The following DYM variants were observed in gnomAD, a reference collection of about 807,000 sequenced individuals.
DYM encodes dyggve-Melchior-Clausen syndrome protein.
A neutral mutation model predicts 93.1 loss-of-function variants in DYM; 78 were observed. The observed-to-expected ratio is 0.84, with a 90% CI of 0.70 to 1.01. DYM has a LOEUF of 1.01. DYM is among the 50% of genes least tolerant of loss of function. The pLI, the probability that DYM is intolerant of heterozygous loss-of-function variation, is 0.00. For missense variants in DYM, 789 were observed against 845.0 expected (o/e 0.93, Z 0.82); for synonymous variants, 321 against 319.7 (o/e 1.00, Z -0.04).
intron 6 of DYM, among the ~76,000 whole-genome samples, chr18:49,361,846 C>T (rs772404314): frequency 6.6e-6 from 1 of 152,166 alleles, no homozygotes; most frequent in Non-Finnish European, 1.5e-5. Flanking sequence ...CTGCATCAGC[C>T]TCCTGAGTAG....
chr18:49,114,797 T>A (rs904728570), intron 16 of DYM, among the ~76,000 whole-genome samples: 12 of 152,128 alleles, frequency 7.9e-5, no homozygotes, highest in African/African-American at 2.9e-4. Flanking sequence ...GAGACATTTT[T>A]AAGGATATCA....
At chr18:49,151,851 A>T (rs2085850517) in intron 15 of DYM, among the ~76,000 whole-genome samples, 1 of 152,204 alleles carries the variant, frequency 6.6e-6, no homozygotes, top group Non-Finnish European at 1.5e-5. Flanking sequence ...AAAACAATCA[A>T]GATCTGAGCA....
intron 1 of DYM, among the ~76,000 whole-genome samples, chr18:49,454,892 A>G (rs2082844688): frequency 7.6e-6 from 1 of 131,260 alleles, no homozygotes. Flanking sequence ...TGGGTGATAG[A>G]GCGAGACTCT....
chr18:49,111,747 C>T (rs2081414402), intron 16 of DYM, among the ~76,000 whole-genome samples: 1 of 152,148 alleles, frequency 6.6e-6, no homozygotes, highest in Non-Finnish European at 1.5e-5. Flanking sequence ...CTTGATCTTT[C>T]CCAGCAGCAG....
chr18:49,454,050 T>C (rs1397315946), intron 1 of DYM, among the ~76,000 whole-genome samples: 1 of 152,214 alleles, frequency 6.6e-6, no homozygotes, highest in Non-Finnish European at 1.5e-5. Flanking sequence ...CAAATGATGC[T>C]GCAGACAGAA....
intron 7 of DYM, among the ~76,000 whole-genome samples, chr18:49,332,992 A>G (rs1024859156): frequency 1.3e-5 from 2 of 152,164 alleles, no homozygotes; most frequent in African/African-American, 4.8e-5. Flanking sequence ...TCCCTCAGTG[A>G]TTTTCAAATA....
rs544296795 is a variant in DYM at position 49,420,879 on chromosome 18, C to T, written c.140+9376G>A. Among the ~76,000 whole-genome samples, 15 of 152,260 alleles carry T rather than the reference C, an allele frequency of 9.9e-5. No homozygotes were observed. The East Asian group carries it at 2.3e-3, about 24-fold the overall frequency. On this transcript the variant is annotated intron_variant, in intron 2 of 17. Coordinates refer to ENST00000675505, the MANE Select transcript of DYM (RefSeq NM_001353214.3). ...AGGAGATTATATCCCACGCCTGGCTCGGAGGGTCCCACACCCACGGAGCCT... is the reference window on the plus strand; with the variant it reads ...AGGAGATTATATCCCACGCCTGGCTTGGAGGGTCCCACACCCACGGAGCCT...
At chr18:49,436,512 T>C (rs1444965560) in intron 1 of DYM, among the ~76,000 whole-genome samples, 1 of 152,212 alleles carries the variant, frequency 6.6e-6, no homozygotes, top group African/African-American at 2.4e-5. Context: ...CAAATTATTT[T>C]TATTTGTCCA....
intron 5 of DYM, among the ~76,000 whole-genome samples, chr18:49,373,550 T>C (rs112141204): frequency 0.095 from 14,371 of 152,072 alleles, 876 homozygotes; most frequent in East Asian, 0.31. Context: ...TCACTGCAAC[T>C]TGTTTTATCA....
At chr18:49,372,659 T>G (rs2031833462) in intron 5 of DYM, among the ~76,000 whole-genome samples, 1 of 152,108 alleles carries the variant, frequency 6.6e-6, no homozygotes, top group Non-Finnish European at 1.5e-5. Flanking sequence ...ACAGGAGAAT[T>G]GCTTGAACCT....
chr18:49,190,784 C>T (rs73958757), intron 14 of DYM, among the ~76,000 whole-genome samples: 1,693 of 152,266 alleles, frequency 0.011, 24 homozygotes, highest in African/African-American at 0.038. Flanking sequence ...CCACCTCCCC[C>T]TACTCGTCCT....
chr18:49,352,518 G>C (rs545763175), intron 6 of DYM, among the ~76,000 whole-genome samples: 185 of 152,282 alleles, frequency 1.2e-3, no homozygotes, highest in African/African-American at 4.1e-3. Context: ...GGTTGCCAGG[G>C]ACGAGGAGTT....
intron 8 of DYM, among the ~76,000 whole-genome samples, chr18:49,324,878 G>C (rs1447593998): frequency 6.6e-6 from 1 of 152,046 alleles, no homozygotes; most frequent in Non-Finnish European, 1.5e-5. Flanking sequence ...CAATAACTCT[G>C]TTCAAATGGT....
intron 1 of DYM, among the ~76,000 whole-genome samples, chr18:49,458,848 C>T (rs140740657): frequency 1.3e-5 from 2 of 151,886 alleles, no homozygotes; most frequent in East Asian, 3.9e-4. Flanking sequence ...CCCACCACCA[C>T]CAACAAAAAA....
At chr18:49,443,462 G>T (rs1324145059) in intron 1 of DYM, among the ~76,000 whole-genome samples, 1 of 152,092 alleles carries the variant, frequency 6.6e-6, no homozygotes, top group Non-Finnish European at 1.5e-5. Context: ...TGACTATCAC[G>T]TCAAAAAAAC....
At chr18:49,237,513 G>C (rs1402404523) in intron 13 of DYM, among the ~76,000 whole-genome samples, 1 of 151,980 alleles carries the variant, frequency 6.6e-6, no homozygotes, top group Non-Finnish European at 1.5e-5. Context: ...TTAACAGTTG[G>C]CTTCAAGTTT....
intron 13 of DYM, among the ~76,000 whole-genome samples, chr18:49,228,080 A>C (rs2093590217): frequency 6.6e-6 from 1 of 152,192 alleles, no homozygotes; most frequent in South Asian, 2.1e-4. Context: ...CCCTCTCAAT[A>C]ATCATAGAAT....
intron 15 of DYM, among the ~76,000 whole-genome samples, chr18:49,129,593 T>G (rs758860144): frequency 2.6e-5 from 4 of 152,226 alleles, no homozygotes; most frequent in Admixed American, 1.3e-4. Flanking sequence ...GTGTCAGTCT[T>G]GAAACCTGAA....
At chr18:49,092,314 T>A (rs1478538315) in intron 17 of DYM, among the ~76,000 whole-genome samples, 1 of 152,214 alleles carries the variant, frequency 6.6e-6, no homozygotes, top group Admixed American at 6.5e-5. Flanking sequence ...GGATTTCTCT[T>A]TCATCCCAGC....
Sources: gnomAD v4.1 joint callset for allele counts (sites outside exome capture counted in the v4.1 genomes callset) on GRCh38, gnomAD v4.1.1 for gene constraint, MANE v1.5 for transcripts, NCBI Gene and HGNC (gene_info 2026-07-23, HGNC 2026-07-21) for gene names.